XXYLT1: variants seen among roughly 807,000 people sequenced by gnomAD.
The protein encoded by XXYLT1 is UDP-xylose:alpha-xyloside alpha-1,3-xylosyltransferase.
In XXYLT1, 20 loss-of-function variants were observed where a neutral mutation model predicts 28.9. The observed-to-expected ratio is 0.69, with a 90% CI of 0.49 to 1.00. The LOEUF is 1.00. Ranked by LOEUF, XXYLT1 falls within the 50% of genes least tolerant of loss-of-function variation. The pLI, the probability that XXYLT1 is intolerant of heterozygous loss-of-function variation, is 0.00. For synonymous variants in XXYLT1, 257 were observed against 253.8 expected, an observed-to-expected ratio of 1.01 and a Z score of -0.12; for missense variants, 542 against 560.1, an observed-to-expected ratio of 0.97 and a Z score of 0.33.
At position 195,150,521 on chromosome 3, in the gene XXYLT1, G is replaced by A. The variant is rs544469142; in HGVS notation, c.785+5928C>T. ...AACCATGTGACTTAAAAAGGTGAAC[G>A]AGCGGACATGATTAAAATACTTAAC... On this transcript the variant is annotated intron_variant, in intron 3 of 3. Coordinates refer to ENST00000310380, the MANE Select transcript of XXYLT1 (RefSeq NM_152531.5). This position sits in a 1 kb window ranked among gnomAD's most constrained non-coding sequence, Gnocchi z 4.7. 2.0e-5 allele frequency among the ~76,000 whole-genome samples: 3 copies of A among 152,344 alleles called. No homozygotes were observed. The highest frequency in any genetic ancestry group is 2.1e-4 in the South Asian group (1 of 4,832).
In XXYLT1 at chr3:195,078,713, C is replaced by A. The variant is rs1219351837; in HGVS notation, c.786-8602G>T. ...AGTAGAGATGCATCCTGCTGCCACTCTCCCCAGTCCCCAGGGCTGCACACA... is the reference window on the plus strand; with the variant it reads ...AGTAGAGATGCATCCTGCTGCCACTATCCCCAGTCCCCAGGGCTGCACACA... On this transcript the variant is annotated intron_variant, in intron 3 of 3. Coordinates refer to ENST00000310380, the MANE Select transcript of XXYLT1 (RefSeq NM_152531.5). This position sits in a 1 kb window ranked among gnomAD's most constrained non-coding sequence, Gnocchi z 5.0. Among the ~76,000 whole-genome samples, 1 of 152,152 alleles carries A rather than the reference C, an allele frequency of 6.6e-6. No individual in the cohort carries two copies. Among genetic ancestry groups the A allele is most frequent in the African/African-American group, 2.4e-5 (1 of 41,432 alleles).
At chr3:195,073,589 C>G (rs1210503326) in intron 3 of XXYLT1, among the ~76,000 whole-genome samples, 16 of 152,032 alleles carry the variant, frequency 1.1e-4, no homozygotes, top group Non-Finnish European at 1.2e-4. Flanking sequence ...ACCTGGAGAC[C>G]CACGGTAGAG....
rs1268325324 is a variant in XXYLT1 at position 195,129,822 on chromosome 3, G to A, written c.785+26627C>T. ...TGGGCGCATGTTTTCAGTTCTCTCG[G>A]GTCTCTGTACACCTATCTAGGAGTG... On this transcript the variant is annotated intron_variant, in intron 3 of 3. Transcript: ENST00000310380. The surrounding 1 kb of genome is among the most constrained non-coding windows in gnomAD (Gnocchi z 4.4). 3.9e-5 allele frequency among the ~76,000 whole-genome samples: 6 copies of A among 151,958 alleles called. No homozygotes were observed. The highest frequency in any genetic ancestry group is 8.8e-5 in the Non-Finnish European group (6 of 68,000).
intron 3 of XXYLT1, among the ~76,000 whole-genome samples, chr3:195,136,248 A>G (rs531361093): frequency 8.5e-5 from 13 of 152,308 alleles, no homozygotes; most frequent in South Asian, 8.3e-4. Flanking sequence ...TCAAACGCCA[A>G]CGTAGGACCC....
chr3:195,203,822 A>G (rs896548050), intron 2 of XXYLT1, among the ~76,000 whole-genome samples: 2 of 152,198 alleles, frequency 1.3e-5, no homozygotes, highest in African/African-American at 4.8e-5. Context: ...GAGGTCATCA[A>G]GCAACTTGGG....
chr3:195,200,299 G>A (rs1722797874), intron 2 of XXYLT1, among the ~76,000 whole-genome samples: 2 of 152,216 alleles, frequency 1.3e-5, no homozygotes, highest in Non-Finnish European at 2.9e-5. Flanking sequence ...CAGCCAGCTG[G>A]GTGACCCTGG....
intron 2 of XXYLT1, chr3:195,207,365 T>C: frequency 2.4e-6 from 1 of 420,124 alleles, no homozygotes. Context: ...CCTGCCCTTC[T>C]TCAACAGAGG....
chr3:195,156,373 G>C, intron 3 of XXYLT1, 76 bp downstream of exon 3: 1 of 1,569,860 alleles, frequency 6.4e-7, no homozygotes, highest in East Asian at 2.2e-5. Context: ...ATCCCAATCT[G>C]TCACGGCTGG....
intron 3 of XXYLT1, among the ~76,000 whole-genome samples, chr3:195,093,545 G>C (rs1716232343): frequency 1.4e-5 from 2 of 145,444 alleles, no homozygotes; most frequent in African/African-American, 2.6e-5. Flanking sequence ...TGGTGGGAGG[G>C]GGGAGGGATA....
At chr3:195,108,576 C>T (rs1430535444) in intron 3 of XXYLT1, among the ~76,000 whole-genome samples, 1 of 152,218 alleles carries the variant, frequency 6.6e-6, no homozygotes, top group African/African-American at 2.4e-5. Context: ...TGTGTGAACA[C>T]ACAGAGTGAC....
chr3:195,074,376 C>T (rs1398200836), intron 3 of XXYLT1, among the ~76,000 whole-genome samples: 2 of 152,218 alleles, frequency 1.3e-5, no homozygotes, highest in East Asian at 3.8e-4. Flanking sequence ...TGGGCCTCCT[C>T]CCAGAGGAAG....
chr3:195,191,203 A>G (rs1722404270), intron 2 of XXYLT1, among the ~76,000 whole-genome samples: 1 of 152,108 alleles, frequency 6.6e-6, no homozygotes, highest in South Asian at 2.1e-4. Context: ...TTTTTCAATA[A>G]AAGTTATACC....
At chr3:195,259,637 G>T (rs1293448567) in intron 1 of XXYLT1, 3 of 985,358 alleles carry the variant, frequency 3.0e-6, no homozygotes, top group Admixed American at 6.1e-5. Flanking sequence ...GGCCTGTAAG[G>T]TGGCATCCGA....
intron 3 of XXYLT1, among the ~76,000 whole-genome samples, chr3:195,110,842 T>TG (rs1223287611): frequency 7.3e-4 from 5 of 6,864 alleles, no homozygotes; most frequent in Admixed American, 2.1e-3. Context: ...GTGTGGTGTG[T>TG]TGTGTGTGTT....
intron 3 of XXYLT1, among the ~76,000 whole-genome samples, chr3:195,079,034 C>T (rs1398168962): frequency 6.6e-6 from 1 of 152,260 alleles, no homozygotes; most frequent in Non-Finnish European, 1.5e-5. Context: ...AGAACCTGCT[C>T]ATCAGACCCT....
In XXYLT1 at chr3:195,180,116, T is replaced by C. The variant is rs943103857; in HGVS notation, c.653-23535A>G. The stretch of plus-strand genomic sequence containing the variant: ...CAGTGGGGTTCTGGCAGAGCACCGC[T>C]GACCCGTCATGGAAGGAGGGGAGCA... On this transcript the variant is annotated intron_variant, in intron 2 of 3. Coordinates refer to ENST00000310380, the MANE Select transcript of XXYLT1 (RefSeq NM_152531.5). This position sits in a 1 kb window ranked among gnomAD's most constrained non-coding sequence, Gnocchi z 5.8. Among the ~76,000 whole-genome samples, 3 of 152,172 alleles carry C rather than the reference T, an allele frequency of 2.0e-5. No individual in the cohort carries two copies. Among genetic ancestry groups the C allele is most frequent in the Non-Finnish European group, 4.4e-5 (3 of 68,036 alleles).
chr3:195,117,643 ACC>A (rs35510379), intron 3 of XXYLT1, among the ~76,000 whole-genome samples: 5 of 151,798 alleles, frequency 3.3e-5, no homozygotes. Flanking sequence ...AACTCCATGC[ACC>A]CCCCTCTCTC....
rs1347144849 is a variant in XXYLT1, at chr3:195,069,668, T to C, written c.*47A>G. The C allele has an allele frequency of 1.9e-6, 3 of 1,567,316 alleles. No homozygotes were observed. ...CTTGGGTCTGTCCCAAGGAACCCTG[T>C]CCTTCCCCCAGATCTGGAGGCCCCG... On this transcript the variant is annotated 3_prime_UTR_variant, in exon 4 of 4. Coordinates refer to ENST00000310380, the MANE Select transcript of XXYLT1 (RefSeq NM_152531.5).
At chr3:195,134,374 T>C (rs1275115551) in intron 3 of XXYLT1, 6 of 152,268 alleles carry the variant, frequency 3.9e-5, no homozygotes. Flanking sequence ...AGATGCCCTA[T>C]ACAGAGGCAC....
Sources: gnomAD v4.1 joint callset for allele counts (sites outside exome capture counted in the v4.1 genomes callset) on GRCh38, gnomAD v4.1.1 for gene constraint, Gnocchi (gnomAD v3.1) non-coding constraint, MANE v1.5 for transcripts, NCBI Gene and HGNC (gene_info 2026-07-23, HGNC 2026-07-21) for gene names.